The following SAMD4A variants were observed in gnomAD, a reference collection of about 807,000 sequenced individuals.
SAMD4A encodes sterile alpha motif domain containing 4A.
In SAMD4A, 33 loss-of-function variants were observed where a neutral mutation model predicts 81.3. The observed-to-expected ratio is 0.41, with a 90% CI of 0.31 to 0.54. The LOEUF (loss-of-function observed/expected upper bound fraction) is 0.54, where lower values mean the gene tolerates loss of function less well. Ranked by LOEUF, SAMD4A falls within the 20% of genes least tolerant of loss-of-function variation. The pLI is 0.37. For synonymous variants in SAMD4A, 389 were observed against 382.1 expected, an observed-to-expected ratio of 1.02 and a Z score of -0.21; for missense variants, 854 against 951.1, an observed-to-expected ratio of 0.90 and a Z score of 1.34.
At chr14:54,762,253 A>T (rs2038419315) in intron 7 of SAMD4A, among the ~76,000 whole-genome samples, 1 of 152,232 alleles carries the variant, frequency 6.6e-6, no homozygotes, top group South Asian at 2.1e-4. Flanking sequence ...CTTACAAGAC[A>T]TCTTGATTAT....
intron 2 of SAMD4A, among the ~76,000 whole-genome samples, chr14:54,667,509 G>A (rs1184560442): frequency 6.6e-6 from 1 of 152,138 alleles, no homozygotes; most frequent in Non-Finnish European, 1.5e-5. Context: ...AGGACAGTCA[G>A]CCACAGTGTC....
At chr14:54,604,836 C>T (rs1036067430) in intron 2 of SAMD4A, among the ~76,000 whole-genome samples, 5 of 152,204 alleles carry the variant, frequency 3.3e-5, no homozygotes, top group African/African-American at 9.6e-5. Context: ...CCTGTGCCTA[C>T]CACCCAGCCT....
chr14:54,587,855 T>C (rs1187594), intron 2 of SAMD4A, among the ~76,000 whole-genome samples: 11,877 of 152,212 alleles, frequency 0.078, 585 homozygotes, highest in Middle Eastern at 0.14. Flanking sequence ...TTTCTTTTTT[T>C]GTTATGCCTT....
At chr14:54,720,142 G>T (rs1475130494) in intron 3 of SAMD4A, among the ~76,000 whole-genome samples, 1 of 152,068 alleles carries the variant, frequency 6.6e-6, no homozygotes, top group Non-Finnish European at 1.5e-5. Context: ...TGTAATTTTA[G>T]ATCTCTGCTA....
At chr14:54,731,110 T>G (rs900937406) in intron 3 of SAMD4A, among the ~76,000 whole-genome samples, 1 of 152,222 alleles carries the variant, frequency 6.6e-6, no homozygotes, top group South Asian at 2.1e-4. Context: ...GGAATATCCC[T>G]GAGAAGCAGG....
At chr14:54,636,946 G>A (rs141475686) in intron 2 of SAMD4A, among the ~76,000 whole-genome samples, 2 of 152,252 alleles carry the variant, frequency 1.3e-5, no homozygotes, top group East Asian at 3.9e-4. Flanking sequence ...AAGGGGGCGA[G>A]ATATACATTT....
chr14:54,746,367 C>A (rs2037967970), intron 4 of SAMD4A, among the ~76,000 whole-genome samples: 1 of 152,160 alleles, frequency 6.6e-6, no homozygotes, highest in Non-Finnish European at 1.5e-5. Flanking sequence ...GCTTACATTG[C>A]CCAGGAATGC....
At chr14:54,746,752 T>C (rs1237776141) in intron 4 of SAMD4A, among the ~76,000 whole-genome samples, 3 of 152,236 alleles carry the variant, frequency 2.0e-5, no homozygotes, top group Non-Finnish European at 2.9e-5. Context: ...CCTTCTCTTT[T>C]GTGATGAATT....
chr14:54,634,896 G>A (rs936774951), intron 2 of SAMD4A, among the ~76,000 whole-genome samples: 5 of 152,162 alleles, frequency 3.3e-5, no homozygotes, highest in Non-Finnish European at 5.9e-5. Context: ...AGACTTTTAA[G>A]TTAAAATGTG....
At chr14:54,625,873 C>T (rs139356810) in intron 2 of SAMD4A, among the ~76,000 whole-genome samples, 7 of 152,188 alleles carry the variant, frequency 4.6e-5, no homozygotes, top group Admixed American at 1.3e-4. Context: ...TAAATTGTCC[C>T]GCTCTAATTT....
At chr14:54,751,619 G>A (rs1028491089) in intron 6 of SAMD4A, 82 bp downstream of exon 6, 38 of 895,644 alleles carry the variant, frequency 4.2e-5, no homozygotes, top group Non-Finnish European at 5.6e-5. Context: ...AAGTGTCATC[G>A]ACAGACCTTC....
intron 2 of SAMD4A, among the ~76,000 whole-genome samples, chr14:54,641,765 C>T (rs1396951380): frequency 3.3e-5 from 5 of 152,150 alleles, no homozygotes; most frequent in Non-Finnish European, 5.9e-5. Flanking sequence ...ATTTTCTACA[C>T]AGGCTTTTAT....
chr14:54,765,249 C>T (rs558102625), intron 8 of SAMD4A, among the ~76,000 whole-genome samples: 1 of 152,106 alleles, frequency 6.6e-6, no homozygotes, highest in Non-Finnish European at 1.5e-5. Context: ...GCTACAGCAG[C>T]AAGGCCTAGA....
chr14:54,724,040 G>GGAAGGAAGGAA (rs1344485748), intron 3 of SAMD4A, among the ~76,000 whole-genome samples: 11 of 150,890 alleles, frequency 7.3e-5, no homozygotes, highest in African/African-American at 2.7e-4. Flanking sequence ...AAGGAAGGAA[G>GGAAGGAAGGAA]GAAGGAAGGA....
chr14:54,667,751 AC>A (rs2035787398), intron 2 of SAMD4A, among the ~76,000 whole-genome samples: 1 of 152,054 alleles, frequency 6.6e-6, no homozygotes, highest in Admixed American at 6.5e-5. Flanking sequence ...CTTATCTCAC[AC>A]CCTTTACTTT....
At chr14:54,712,217 G>A (rs1005448837) in intron 3 of SAMD4A, among the ~76,000 whole-genome samples, 1 of 151,934 alleles carries the variant, frequency 6.6e-6, no homozygotes. Context: ...GTAGTCTGGA[G>A]TTCCTTTGAA....
intron 2 of SAMD4A, among the ~76,000 whole-genome samples, chr14:54,597,620 C>G (rs1335039149): frequency 9.6e-6 from 1 of 103,992 alleles, no homozygotes; most frequent in Non-Finnish European, 1.9e-5. Context: ...GACAGAGTTT[C>G]ACCCTGTTGC....
At chr14:54,679,283 A>T (rs367950859) in intron 2 of SAMD4A, among the ~76,000 whole-genome samples, 7 of 152,378 alleles carry the variant, frequency 4.6e-5, no homozygotes, top group Admixed American at 2.6e-4. Context: ...CATGAGCAGT[A>T]TCCCTTATCA....
intron 8 of SAMD4A, among the ~76,000 whole-genome samples, chr14:54,766,011 G>GGGGC (rs1156465796): frequency 6.6e-6 from 1 of 152,156 alleles, no homozygotes; most frequent in Non-Finnish European, 1.5e-5. Context: ...GCCTAGGTTG[G>GGGGC]GGGCTCAGAC....
Sources: gnomAD v4.1 joint callset for allele counts (sites outside exome capture counted in the v4.1 genomes callset) on GRCh38, gnomAD v4.1.1 for gene constraint, MANE v1.5 for transcripts, NCBI Gene and HGNC (gene_info 2026-07-23, HGNC 2026-07-21) for gene names.